The following RASSF8 variants were observed in gnomAD, a reference collection of about 807,000 sequenced individuals.
RASSF8 encodes Ras association domain family member 8, also known as ras association domain-containing protein 8.
A neutral mutation model predicts 48.5 loss-of-function variants in RASSF8; 22 were observed. The ratio of observed to expected loss-of-function variants is 0.45; its 90% CI spans 0.32 to 0.65. RASSF8 has a LOEUF of 0.65. Ranked by LOEUF, RASSF8 falls within the 30% of genes least tolerant of loss-of-function variation. The pLI is 0.03. For synonymous variants in RASSF8, 127 were observed against 171.5 expected, an observed-to-expected ratio of 0.74 and a Z score of 2.03; for missense variants, 418 against 489.2, an observed-to-expected ratio of 0.85 and a Z score of 1.37.
At chr12:25,995,303 A>G (rs1942107557) in intron 2 of RASSF8, among the ~76,000 whole-genome samples, 173 bp downstream of exon 2, 1 of 152,234 alleles carries the variant, frequency 6.6e-6, no homozygotes, top group South Asian at 2.1e-4. Context: ...AGGACTAAGT[A>G]TAGGTGGTGA....
intron 2 of RASSF8, among the ~76,000 whole-genome samples, chr12:26,019,308 AGAG>A (rs1307817771): frequency 6.6e-6 from 1 of 152,216 alleles, no homozygotes; most frequent in African/African-American, 2.4e-5. Flanking sequence ...AATTTCTAAA[AGAG>A]GAGTTCAAAT....
At chr12:26,003,691 A>T (rs996388824) in intron 2 of RASSF8, among the ~76,000 whole-genome samples, 1 of 152,198 alleles carries the variant, frequency 6.6e-6, no homozygotes, top group African/African-American at 2.4e-5. Flanking sequence ...AAGTGGTAGA[A>T]CTATAGGAAA....
intron 2 of RASSF8, among the ~76,000 whole-genome samples, chr12:26,003,387 T>G (rs1942308243): frequency 6.6e-6 from 1 of 152,212 alleles, no homozygotes; most frequent in African/African-American, 2.4e-5. Flanking sequence ...TGCATCTGTG[T>G]TCATCATGAA....
In RASSF8 at chr12:26,072,867, G is replaced by A. The variant is rs896613643; in HGVS notation, c.*4049G>A. ...TAATAAATTTTCAGGATTCATTGGGGCATTACAGTTGTCAGTTTGTTTCTT... is the reference window on the plus strand; with the variant it reads ...TAATAAATTTTCAGGATTCATTGGGACATTACAGTTGTCAGTTTGTTTCTT... On this transcript the variant is annotated 3_prime_UTR_variant, in exon 6 of 6. Transcript: ENST00000689635. 1 of 895,586 alleles carries A rather than the reference G, an allele frequency of 1.1e-6. No individual in the cohort carries two copies. The highest frequency in any genetic ancestry group is 6.2e-5 in the Admixed American group (1 of 16,102). The allele number at this position is 895,586 out of a possible 1,614,324, so 55.5% of individuals were successfully genotyped here.
In RASSF8 at chr12:25,990,500, T is replaced by C. The variant is rs1941990122; in HGVS notation, c.-202-4537T>C. ...TTTTGGTATTACCATTTTTCTCTGCTTTGCAAACTAATATAGCTTAATAGC... is the reference window on the plus strand; with the variant it reads ...TTTTGGTATTACCATTTTTCTCTGCCTTGCAAACTAATATAGCTTAATAGC... On this transcript the variant is annotated intron_variant, in intron 1 of 5. Coordinates refer to ENST00000689635, the MANE Select transcript of RASSF8 (RefSeq NM_001394098.1). Among the ~76,000 whole-genome samples, 3 of 152,228 alleles carry C rather than the reference T, an allele frequency of 2.0e-5. No individual in the cohort carries two copies. The South Asian group carries it at 6.2e-4, about 32-fold the overall frequency.
chr12:25,990,326 A>G (rs1941985896), intron 1 of RASSF8, among the ~76,000 whole-genome samples: 1 of 152,202 alleles, frequency 6.6e-6, no homozygotes, highest in Admixed American at 6.5e-5. Flanking sequence ...TTTATCAAAC[A>G]TTTATTTGAT....
intron 2 of RASSF8, among the ~76,000 whole-genome samples, chr12:26,012,558 A>G (rs1216819470): frequency 6.6e-6 from 1 of 152,126 alleles, no homozygotes; most frequent in Non-Finnish European, 1.5e-5. Context: ...ACATAACTAT[A>G]TCCATATATT....
At position 26,068,937 on chromosome 12, in the gene RASSF8, C is replaced by T. The variant is rs1370595872; in HGVS notation, c.*119C>T. 41 of 1,450,526 alleles carry T rather than the reference C, an allele frequency of 2.8e-5. No homozygotes were observed. Among genetic ancestry groups the T allele is most frequent in the Non-Finnish European group, 3.5e-5 (39 of 1,103,774 alleles). 89.9% of individuals were successfully genotyped at this position (1,450,526 alleles called of 1,614,324 possible). ...CCACAAGACGCTGTATGTTTTTTCT[C>T]TCCTAAATTGCATACCACTTGGAGC... On this transcript the variant is annotated 3_prime_UTR_variant, in exon 6 of 6. Transcript: ENST00000689635.
downstream of RASSF8, among the ~76,000 whole-genome samples, chr12:26,077,756 G>T (rs1944084761): frequency 6.6e-6 from 1 of 152,104 alleles, no homozygotes; most frequent in Admixed American, 6.6e-5. Flanking sequence ...TGGTTGGCTG[G>T]TTTTTTTGGA....
In RASSF8 at chr12:25,970,079, T is replaced by A. The variant is rs533319141; in HGVS notation, c.-203+10931T>A. ...TGTTCATGTGCTTTTAAACTCTCTT[T>A]CTTCCTGTACGACCCCACTTTTTTT... On this transcript the variant is annotated intron_variant, in intron 1 of 5. Transcript: ENST00000689635. 1.7e-3 allele frequency among the ~76,000 whole-genome samples: 256 copies of A among 151,540 alleles called. 2 individuals carry two copies. Among genetic ancestry groups the A allele is most frequent in the Non-Finnish European group, 3.0e-3 (203 of 67,950 alleles).
chr12:25,964,848 A>C (rs946409240), intron 1 of RASSF8, among the ~76,000 whole-genome samples: 1 of 152,178 alleles, frequency 6.6e-6, no homozygotes. Context: ...AAATGTCAGA[A>C]TATCTTATAG....
At position 26,059,864 on chromosome 12, in the gene RASSF8, CG is replaced by C. The variant is rs1296218347; in HGVS notation, c.103+4419del. 2.0e-5 allele frequency among the ~76,000 whole-genome samples: 3 copies of C among 152,196 alleles called. No individual in the cohort carries two copies. In the East Asian group the frequency reaches 5.8e-4, roughly 29 times the overall value. On this transcript the variant is annotated intron_variant, in intron 3 of 5. Coordinates refer to ENST00000689635, the MANE Select transcript of RASSF8 (RefSeq NM_001394098.1). Reference sequence around the variant, plus strand: ...CTTATTTTGGTTTATATTTTTTTAACGTAACCAGCACAATGCCCAGTAAATC... The same window carrying C: ...CTTATTTTGGTTTATATTTTTTTAACTAACCAGCACAATGCCCAGTAAATC...
chr12:25,981,155 C>T (rs972287123), intron 1 of RASSF8, among the ~76,000 whole-genome samples: 1 of 152,064 alleles, frequency 6.6e-6, no homozygotes, highest in Non-Finnish European at 1.5e-5. Context: ...TGTTGAACCC[C>T]TTTGACTCCA....
At chr12:26,076,213 C>T (rs989268862), downstream of RASSF8, among the ~76,000 whole-genome samples, 1 of 151,972 alleles carries the variant, frequency 6.6e-6, no homozygotes, top group African/African-American at 2.4e-5. Context: ...CCTGAACACA[C>T]TCTACACCAA....
At chr12:26,026,621 G>T (rs896504205) in intron 2 of RASSF8, among the ~76,000 whole-genome samples, 7 of 151,912 alleles carry the variant, frequency 4.6e-5, no homozygotes, top group Non-Finnish European at 1.0e-4. Context: ...TTTTTAGTTG[G>T]GACAGGGTTT....
chr12:26,068,909 A>C lies in RASSF8; in HGVS notation c.*91A>C. ...TGTGCCAATGATGAACAGAGGATCT[A>C]TTCCACAAGACGCTGTATGTTTTTT... On this transcript the variant is annotated 3_prime_UTR_variant, in exon 6 of 6. Coordinates refer to ENST00000689635, the MANE Select transcript of RASSF8 (RefSeq NM_001394098.1). 1 of 1,497,138 alleles carries C rather than the reference A, an allele frequency of 6.7e-7. No individual in the cohort carries two copies. The highest frequency in any genetic ancestry group is 8.9e-7 in the Non-Finnish European group (1 of 1,126,382). The allele number at this position is 1,497,138 out of a possible 1,614,324, so 92.7% of individuals were successfully genotyped here.
At chr12:26,037,777 G>C (rs1943183179) in intron 2 of RASSF8, among the ~76,000 whole-genome samples, 1 of 152,150 alleles carries the variant, frequency 6.6e-6, no homozygotes, top group South Asian at 2.1e-4. Context: ...TGAGATGCAG[G>C]GGGAAGCTTC....
At chr12:26,049,884 C>T (rs562803928) in intron 2 of RASSF8, among the ~76,000 whole-genome samples, 1 of 152,316 alleles carries the variant, frequency 6.6e-6, no homozygotes, top group East Asian at 1.9e-4. Flanking sequence ...CCCAGGTTCA[C>T]ACCATTCTCC....
rs780348007 is a variant in RASSF8 at position 26,070,983 on chromosome 12, C to T, written c.*2165C>T. 228 of 984,840 alleles carry T rather than the reference C, an allele frequency of 2.3e-4. No individual in the cohort carries two copies. Among genetic ancestry groups the T allele is most frequent in the Admixed American group, 6.1e-4 (10 of 16,282 alleles). 61.0% of individuals were successfully genotyped at this position (984,840 alleles called of 1,614,324 possible). A position where few individuals can be genotyped will look rare whatever the true frequency, so the allele number is the denominator to read the frequency against. On this transcript the variant is annotated 3_prime_UTR_variant, in exon 6 of 6. Transcript: ENST00000689635. ...GTCTTGGGTTCCCAGCAGAGTATCA[C>T]AGTTAACCTCTCTGACAACTTCATC...
Sources: gnomAD v4.1 joint callset for allele counts (sites outside exome capture counted in the v4.1 genomes callset) on GRCh38, gnomAD v4.1.1 for gene constraint, MANE v1.5 for transcripts, NCBI Gene and HGNC (gene_info 2026-07-23, HGNC 2026-07-21) for gene names.